PTPN1: variants seen among roughly 807,000 people sequenced by gnomAD.
The protein encoded by PTPN1 is protein tyrosine phosphatase non-receptor type 1.
In PTPN1, 12 loss-of-function variants were observed where a neutral mutation model predicts 59.9. The observed-to-expected ratio is 0.20, with a 90% CI of 0.13 to 0.32. The LOEUF (loss-of-function observed/expected upper bound fraction) is 0.32, where lower values mean the gene tolerates loss of function less well. Among genes scored for constraint, PTPN1 ranks in the 10% least tolerant of loss-of-function variants. The probability of loss-of-function intolerance (pLI) is 1.00; values close to 1 mark genes in which losing one functional copy is unlikely to be tolerated. For missense variants in PTPN1, 356 were observed against 549.2 expected (o/e 0.65, Z 3.52); for synonymous variants, 178 against 203.6 (o/e 0.87, Z 1.07).
chr20:50,538,644 A>T (rs1002017912), intron 1 of PTPN1, among the ~76,000 whole-genome samples: 5 of 152,226 alleles, frequency 3.3e-5, no homozygotes, highest in African/African-American at 1.2e-4. Flanking sequence ...ATATGAGAAG[A>T]AATTTTATAA....
rs1014317634 is a variant in PTPN1 at position 50,523,131 on chromosome 20, A to C, written c.63+12541A>C. 2.6e-5 allele frequency among the ~76,000 whole-genome samples: 4 copies of C among 152,094 alleles called. No individual in the cohort carries two copies. The East Asian group carries it at 7.7e-4, about 29-fold the overall frequency. The stretch of plus-strand genomic sequence containing the variant: ...ATCAGGAGGATTTGGTGATTTATCG[A>C]ATGTGGGGGAAGGGGAAGAAGAGGA... On this transcript the variant is annotated intron_variant, in intron 1 of 9. Coordinates refer to ENST00000371621, the MANE Select transcript of PTPN1 (RefSeq NM_002827.4).
chr20:50,510,485 G>T lies in PTPN1; in HGVS notation c.-43G>T. ...GACGCGGCCTAGAGCGGCAGACGGCGCAGTGGGCCGAGAAGGAGGCGCAGC... is the reference window on the plus strand; with the variant it reads ...GACGCGGCCTAGAGCGGCAGACGGCTCAGTGGGCCGAGAAGGAGGCGCAGC... On this transcript the variant is annotated 5_prime_UTR_variant, in exon 1 of 10. Transcript: ENST00000371621. 6.5e-7 allele frequency: 1 copy of T among 1,545,792 alleles called. No homozygotes were observed. Among genetic ancestry groups the T allele is most frequent in the Non-Finnish European group, 8.7e-7 (1 of 1,143,998 alleles).
At chr20:50,574,955 G>A (rs1306676300) in intron 5 of PTPN1, 4 of 314,944 alleles carry the variant, frequency 1.3e-5, no homozygotes, top group African/African-American at 4.4e-5. Flanking sequence ...GGACTGGAGC[G>A]GCAGCCTGCA....
chr20:50,553,686 G>A (rs937929776), intron 1 of PTPN1, among the ~76,000 whole-genome samples: 14 of 152,120 alleles, frequency 9.2e-5, no homozygotes, highest in African/African-American at 3.4e-4. Flanking sequence ...GACATTAGAA[G>A]CAAGCCCAGA....
Position 50,582,615 on chromosome 20 carries a change from T to C in PTPN1, c.1285-77T>C. The C allele has an allele frequency of 6.6e-7, 1 of 1,517,160 alleles. No individual in the cohort carries two copies. Among genetic ancestry groups the C allele is most frequent in the Non-Finnish European group, 9.1e-7 (1 of 1,104,578 alleles). The allele number at this position is 1,517,160 out of a possible 1,614,324, so 94.0% of individuals were successfully genotyped here. Reference sequence around the variant, plus strand: ...CGGAGGTTGAAGTTGCCGGGGGGTGTGGCCGGGGTCATGCATGAGGCGACA... The same window carrying C: ...CGGAGGTTGAAGTTGCCGGGGGGTGCGGCCGGGGTCATGCATGAGGCGACA... On this transcript the variant is annotated intron_variant, in intron 9 of 9. Coordinates refer to ENST00000371621, the MANE Select transcript of PTPN1 (RefSeq NM_002827.4). This position sits in a 1 kb window ranked among gnomAD's most constrained non-coding sequence, Gnocchi z 4.2.
At chr20:50,540,695 T>A (rs1201724836) in intron 1 of PTPN1, among the ~76,000 whole-genome samples, 2 of 152,158 alleles carry the variant, frequency 1.3e-5, no homozygotes, top group African/African-American at 4.8e-5. Context: ...GCTGCTACCG[T>A]CCAGGGTTCA....
At chr20:50,563,709 C>T (rs1424206297) in intron 2 of PTPN1, among the ~76,000 whole-genome samples, 1 of 152,054 alleles carries the variant, frequency 6.6e-6, no homozygotes, top group East Asian at 1.9e-4. Context: ...CATTCATATC[C>T]CCTTTGGACC....
At chr20:50,571,926 G>A (rs2082811375) in intron 4 of PTPN1, 1 of 152,226 alleles carries the variant, frequency 6.6e-6, no homozygotes, top group Non-Finnish European at 1.5e-5. Flanking sequence ...TCATGCACAA[G>A]ACACTGCATT....
intron 1 of PTPN1, among the ~76,000 whole-genome samples, chr20:50,523,375 A>AG (rs2082559617): frequency 6.6e-6 from 1 of 152,204 alleles, no homozygotes; most frequent in Non-Finnish European, 1.5e-5. Flanking sequence ...CCTTCCCAAA[A>AG]GGACAAAACC....
chr20:50,583,493 A>G lies in PTPN1; in HGVS notation c.*778A>G, dbSNP rs2082880514. ...TCTCAATCACTGCTCCCCCGTGTGT[A>G]TTAGAATGCATGTAAGGTCTTCTTG... is the stretch of plus-strand genomic sequence containing the variant. On this transcript the variant is annotated 3_prime_UTR_variant, in exon 10 of 10. Coordinates refer to ENST00000371621, the MANE Select transcript of PTPN1 (RefSeq NM_002827.4). 1 of 152,238 alleles carries G rather than the reference A, an allele frequency of 6.6e-6. No individual in the cohort carries two copies. Among genetic ancestry groups the G allele is most frequent in the Non-Finnish European group, 1.5e-5 (1 of 68,058 alleles). The allele number at this position is 152,238 out of a possible 1,614,324, so 9.4% of individuals were successfully genotyped here. A position where few individuals can be genotyped will look rare whatever the true frequency, so the allele number is the denominator to read the frequency against.
At chr20:50,555,520 A>G (rs540303987) in intron 1 of PTPN1, among the ~76,000 whole-genome samples, 1 of 152,318 alleles carries the variant, frequency 6.6e-6, no homozygotes, top group South Asian at 2.1e-4. Flanking sequence ...CTGAACACTT[A>G]AGTGGGTATG....
intron 1 of PTPN1, among the ~76,000 whole-genome samples, chr20:50,553,816 C>T (rs2082713978): frequency 6.6e-6 from 1 of 151,872 alleles, no homozygotes. Context: ...AATACCATTT[C>T]TAAAGAAGAA....
At chr20:50,528,283 A>G (rs1049111078) in intron 1 of PTPN1, among the ~76,000 whole-genome samples, 1 of 152,170 alleles carries the variant, frequency 6.6e-6, no homozygotes, top group Non-Finnish European at 1.5e-5. Flanking sequence ...GTATACTGTA[A>G]TAACACGCAT....
chr20:50,512,231 A>C (rs2082510747), intron 1 of PTPN1, among the ~76,000 whole-genome samples: 1 of 152,234 alleles, frequency 6.6e-6, no homozygotes, highest in Non-Finnish European at 1.5e-5. Context: ...AATGCAGTAG[A>C]GTCTAAAATG....
chr20:50,531,089 T>C (rs1490240275), intron 1 of PTPN1, among the ~76,000 whole-genome samples: 1 of 152,156 alleles, frequency 6.6e-6, no homozygotes, highest in Non-Finnish European at 1.5e-5. Context: ...CCTTTTCTTC[T>C]GGTCCAGCGT....
At chr20:50,512,435 C>T (rs1202390654) in intron 1 of PTPN1, among the ~76,000 whole-genome samples, 2 of 152,118 alleles carry the variant, frequency 1.3e-5, no homozygotes, top group Non-Finnish European at 2.9e-5. Flanking sequence ...GACCTGTCAC[C>T]CAAGCATGGT....
chr20:50,544,396 T>A (rs1275068277), intron 1 of PTPN1, among the ~76,000 whole-genome samples: 2 of 151,956 alleles, frequency 1.3e-5, no homozygotes, highest in Non-Finnish European at 2.9e-5. Context: ...GCCCAAGCAA[T>A]CCTCCTCCCT....
At chr20:50,514,747 T>G (rs963103766) in intron 1 of PTPN1, among the ~76,000 whole-genome samples, 49 of 152,366 alleles carry the variant, frequency 3.2e-4, no homozygotes, top group African/African-American at 1.2e-3. Flanking sequence ...TGGTAACAAC[T>G]AATACTGGCA....
At chr20:50,515,267 A>C (rs1197153352) in intron 1 of PTPN1, among the ~76,000 whole-genome samples, 2 of 152,154 alleles carry the variant, frequency 1.3e-5, no homozygotes, top group African/African-American at 4.8e-5. Flanking sequence ...CTCGCCCTTC[A>C]TTCCTCTATA....
Sources: gnomAD v4.1 joint callset for allele counts (sites outside exome capture counted in the v4.1 genomes callset) on GRCh38, gnomAD v4.1.1 for gene constraint, Gnocchi (gnomAD v3.1) non-coding constraint, MANE v1.5 for transcripts, NCBI Gene and HGNC (gene_info 2026-07-23, HGNC 2026-07-21) for gene names.